The following PARPBP variants were observed in gnomAD, a reference collection of about 807,000 sequenced individuals.
PARPBP encodes the protein PCNA-interacting partner.
PARPBP carries 52 observed loss-of-function variants against 50.0 expected under a neutral mutation model. The observed-to-expected ratio is 1.04, with a 90% confidence interval of 0.83 to 1.31. PARPBP has a LOEUF of 1.31. Ranked by LOEUF, PARPBP falls within the 50% of genes most tolerant of loss-of-function variation. The pLI is 0.00. For missense variants in PARPBP, 697 were observed against 672.0 expected, an observed-to-expected ratio of 1.04 and a Z score of -0.41; for synonymous variants, 244 against 232.1, an observed-to-expected ratio of 1.05 and a Z score of -0.47.
chr12:102,154,362 T>C (rs1251480006), intron 4 of PARPBP, among the ~76,000 whole-genome samples: 1 of 152,160 alleles, frequency 6.6e-6, no homozygotes, highest in Non-Finnish European at 1.5e-5. Context: ...GTACAGCTCA[T>C]ATATCAGGAG....
intron 6 of PARPBP, among the ~76,000 whole-genome samples, chr12:102,168,274 G>A (rs1888350406): frequency 6.6e-6 from 1 of 152,068 alleles, no homozygotes; most frequent in South Asian, 2.1e-4. Flanking sequence ...GGAATTTCTG[G>A]TTGTGGTCAA....
chr12:102,178,558 T>C lies in PARPBP; in HGVS notation c.1006-34T>C, dbSNP rs768393566. On this transcript the variant is annotated intron_variant, in intron 7 of 10. Transcript: ENST00000327680. ...TGGCCATTCACCCAGCTGGGGTGAT[T>C]ATTACATTTACCTAAAATTATTTTT... is the stretch of plus-strand genomic sequence containing the variant. 3.4e-5 allele frequency: 50 copies of C among 1,459,644 alleles called. 1 individual carries two copies. In the Admixed American group the frequency reaches 9.6e-4, roughly 28 times the overall value. The allele number at this position is 1,459,644 out of a possible 1,614,324, so 90.4% of individuals were successfully genotyped here.
chr12:102,196,872 C>A lies in PARPBP; in HGVS notation c.*581C>A, dbSNP rs559560894. 605 of 1,118,486 alleles carry A rather than the reference C, an allele frequency of 5.4e-4. No homozygotes were observed. Among genetic ancestry groups the A allele is most frequent in the Non-Finnish European group, 1.9e-4 (144 of 759,622 alleles). The allele number at this position is 1,118,486 out of a possible 1,614,324, so 69.3% of individuals were successfully genotyped here. On this transcript the variant is annotated 3_prime_UTR_variant, in exon 11 of 11. Transcript: ENST00000327680. Reference sequence around the variant, plus strand: ...TTGGCAGGTGTAATTGAGCCATGGTCTTATTTGATTTTGTTATGATTGCAT... The same window carrying A: ...TTGGCAGGTGTAATTGAGCCATGGTATTATTTGATTTTGTTATGATTGCAT...
intron 2 of PARPBP, among the ~76,000 whole-genome samples, chr12:102,139,813 T>C (rs1297745792): frequency 2.6e-5 from 4 of 152,224 alleles, no homozygotes; most frequent in African/African-American, 9.6e-5. Flanking sequence ...TGAACCAGGC[T>C]TTCATCCCAG....
intron 5 of PARPBP, among the ~76,000 whole-genome samples, chr12:102,165,347 C>G (rs1888034006): frequency 6.6e-6 from 1 of 152,152 alleles, no homozygotes; most frequent in Non-Finnish European, 1.5e-5. Context: ...AACAGATCAG[C>G]TGACGCTAAA....
intron 2 of PARPBP, among the ~76,000 whole-genome samples, chr12:102,130,399 T>A (rs1882661588): frequency 6.6e-6 from 1 of 152,088 alleles, no homozygotes; most frequent in Non-Finnish European, 1.5e-5. Flanking sequence ...GGGATCTAAT[T>A]AAACTAGAGA....
intron 4 of PARPBP, among the ~76,000 whole-genome samples, chr12:102,156,254 T>G (rs1465162129): frequency 7.4e-6 from 1 of 135,738 alleles, no homozygotes; most frequent in Non-Finnish European, 1.6e-5. Context: ...TGGCGCAATC[T>G]CGGCTCATTG....
intron 9 of PARPBP, among the ~76,000 whole-genome samples, chr12:102,192,344 T>A (rs1890869961): frequency 1.3e-5 from 2 of 152,260 alleles, no homozygotes; most frequent in Admixed American, 1.3e-4. Context: ...ATTCCCATTA[T>A]GTGTGGATAA....
intron 2 of PARPBP, among the ~76,000 whole-genome samples, chr12:102,147,029 C>T (rs1473004258): frequency 1.3e-5 from 2 of 152,104 alleles, no homozygotes; most frequent in Non-Finnish European, 2.9e-5. Flanking sequence ...TACCATCTCA[C>T]ACCAGTTAGA....
chr12:102,128,970 A>G lies in PARPBP; in HGVS notation c.153+4929A>G, dbSNP rs192728307. Among the ~76,000 whole-genome samples, 83 of 151,776 alleles carry G rather than the reference A, an allele frequency of 5.5e-4. No individual in the cohort carries two copies. The Middle Eastern group carries it at 0.01, about 19-fold the overall frequency. On this transcript the variant is annotated intron_variant, in intron 2 of 10. Transcript: ENST00000327680. The stretch of plus-strand genomic sequence containing the variant: ...CCTTTTCTTCACATTTTTTTTTAAC[A>G]CTTTTATCTTTTCAATAATGGCCAT...
At chr12:102,160,125 T>C (rs2139385154) in intron 4 of PARPBP, among the ~76,000 whole-genome samples, 1 of 152,310 alleles carries the variant, frequency 6.6e-6, no homozygotes, top group East Asian at 1.9e-4. Flanking sequence ...TCTTTAAAAC[T>C]CACTTGTAAA....
chr12:102,153,765 A>G (rs1594531879), intron 3 of PARPBP, 104 bp from the exon 4 acceptor site: 2 of 649,552 alleles, frequency 3.1e-6, no homozygotes, highest in South Asian at 3.8e-5. Context: ...ACTGTCAGGT[A>G]ATACTCTCAA....
intron 2 of PARPBP, among the ~76,000 whole-genome samples, chr12:102,129,060 A>T (rs892331914): frequency 2.6e-5 from 4 of 152,002 alleles, no homozygotes; most frequent in Non-Finnish European, 5.9e-5. Context: ...AATGTTGAGC[A>T]TTTTTTATAT....
intron 2 of PARPBP, among the ~76,000 whole-genome samples, chr12:102,139,259 GA>G (rs1884164622): frequency 6.6e-6 from 1 of 152,086 alleles, no homozygotes; most frequent in Non-Finnish European, 1.5e-5. Flanking sequence ...AATTGTGAAT[GA>G]GAGTTCACTC....
chr12:102,165,995 G>A, intron 6 of PARPBP, 112 bp downstream of exon 6: 1 of 659,904 alleles, frequency 1.5e-6, no homozygotes, highest in Non-Finnish European at 2.6e-6. Flanking sequence ...CAAACGGTGA[G>A]GCGAAGAAAC....
At chr12:102,175,816 A>G (rs1182254934) in intron 7 of PARPBP, 150 bp downstream of exon 7, 4 of 549,526 alleles carry the variant, frequency 7.3e-6, no homozygotes, top group African/African-American at 5.8e-5. Flanking sequence ...TCTCAATAGG[A>G]TTATGTAGGA....
At chr12:102,137,903 A>G in intron 2 of PARPBP, among the ~76,000 whole-genome samples, 1 of 152,174 alleles carries the variant, frequency 6.6e-6, no homozygotes, top group Non-Finnish European at 1.5e-5. Context: ...CCAGTCTATC[A>G]TTCTTGGACA....
In PARPBP at chr12:102,124,899, T is replaced by G. The variant is rs906565837; in HGVS notation, c.153+858T>G. ...ACTGACAGATTTTAACCATTTCTCA[T>G]TTTTGCAAATAAGGCCATTGAGAAA... On this transcript the variant is annotated intron_variant, in intron 2 of 10. Coordinates refer to ENST00000327680, the MANE Select transcript of PARPBP (RefSeq NM_017915.5). 2.0e-5 allele frequency among the ~76,000 whole-genome samples: 3 copies of G among 152,200 alleles called. No individual in the cohort carries two copies. The East Asian group carries it at 5.8e-4, about 29-fold the overall frequency.
At chr12:102,127,580 G>A (rs1179753867) in intron 2 of PARPBP, among the ~76,000 whole-genome samples, 4 of 151,952 alleles carry the variant, frequency 2.6e-5, no homozygotes, top group South Asian at 2.1e-4. Context: ...TGATCATTTG[G>A]TATCTTTCTT....
Sources: gnomAD v4.1 joint callset for allele counts (sites outside exome capture counted in the v4.1 genomes callset) on GRCh38, gnomAD v4.1.1 for gene constraint, MANE v1.5 for transcripts, NCBI Gene and HGNC (gene_info 2026-07-23, HGNC 2026-07-21) for gene names.